ZNF169: variants seen among roughly 807,000 people sequenced by gnomAD.
The protein encoded by ZNF169 is zinc finger protein 169.
ZNF169 carries 11 observed loss-of-function variants against 12.0 expected under a neutral mutation model. That is an observed-to-expected ratio of 0.92 (90% CI 0.58 to 1.52). The LOEUF is 1.52. ZNF169 is among the 40% of genes most tolerant of loss of function. The pLI is 0.00. For missense variants in ZNF169, 722 were observed against 744.0 expected (o/e 0.97, Z 0.34); for synonymous variants, 302 against 286.5 (o/e 1.05, Z -0.55).
At chr9:94,282,996 C>T (rs1830667255) in intron 2 of ZNF169, among the ~76,000 whole-genome samples, 1 of 152,142 alleles carries the variant, frequency 6.6e-6, no homozygotes, top group African/African-American at 2.4e-5. Context: ...CCCATTCGCC[C>T]CTCTCCCAGC....
At chr9:94,285,359 G>A (rs1830704643) in intron 2 of ZNF169, among the ~76,000 whole-genome samples, 1 of 152,118 alleles carries the variant, frequency 6.6e-6, no homozygotes, top group African/African-American at 2.4e-5. Flanking sequence ...AGAACAGAGA[G>A]AAAATGGAGT....
At chr9:94,289,421 C>A (rs909965309) in intron 2 of ZNF169, among the ~76,000 whole-genome samples, 3 of 151,950 alleles carry the variant, frequency 2.0e-5, no homozygotes, top group Non-Finnish European at 4.4e-5. Context: ...AAAAAGCAAG[C>A]TGGTAAAACG....
At chr9:94,272,397 T>C (rs1830438901) in intron 1 of ZNF169, among the ~76,000 whole-genome samples, 2 of 152,182 alleles carry the variant, frequency 1.3e-5, no homozygotes, top group Non-Finnish European at 2.9e-5. Flanking sequence ...AACTTTTTCA[T>C]CTTGCATGAC....
In ZNF169 at chr9:94,300,932, C is replaced by T. The variant is rs1185707560; in HGVS notation, c.1374C>T (p.Tyr458=). 6.2e-7 allele frequency: 1 copy of T among 1,613,092 alleles called. No homozygotes were observed. The highest frequency in any genetic ancestry group is 8.5e-7 in the Non-Finnish European group (1 of 1,179,752). ...HQRTHTGEKP[Y]LCPDCGRGFG... is the part of the protein sequence containing the mutation. ...GGACACACACAGGGGAGAAGCCCTA[C>T]CTGTGCCCTGATTGTGGGCGTGGCT... Residue 458 remains tyrosine, a synonymous_variant, in exon 5 of 5, where the codon TAC becomes TAT. Transcript: ENST00000395395.
At chr9:94,288,859 T>G (rs1418349617) in intron 2 of ZNF169, among the ~76,000 whole-genome samples, 1 of 152,088 alleles carries the variant, frequency 6.6e-6, no homozygotes, top group African/African-American at 2.4e-5. Context: ...CTCAGGTAGT[T>G]CTTTATAGCA....
At chr9:94,270,852 A>G (rs12553782) in intron 1 of ZNF169, among the ~76,000 whole-genome samples, 621 of 4,256 alleles carry the variant, frequency 0.15, 72 homozygotes, top group Non-Finnish European at 0.34. Context: ...ATATTATATA[A>G]ATATATATAA....
At chr9:94,291,330 ATG>A (rs1488301021) in intron 2 of ZNF169, among the ~76,000 whole-genome samples, 1 of 151,982 alleles carries the variant, frequency 6.6e-6, no homozygotes, top group Non-Finnish European at 1.5e-5. Context: ...GGGATTACAG[ATG>A]TGAGCCATTG....
intron 1 of ZNF169, among the ~76,000 whole-genome samples, chr9:94,268,100 C>A (rs1251009231): frequency 6.6e-6 from 1 of 151,848 alleles, no homozygotes; most frequent in Non-Finnish European, 1.5e-5. Flanking sequence ...GAACGCCCGA[C>A]CTCAGGTGAT....
At position 94,300,852 on chromosome 9, in the gene ZNF169, T is replaced by C. The variant is rs772782841; in HGVS notation, c.1294T>C (p.Cys432Arg). 1.2e-6 allele frequency: 2 copies of C among 1,614,050 alleles called. No homozygotes were observed. The highest frequency in any genetic ancestry group is 2.2e-5 in the South Asian group (2 of 91,082). ...RTHTGEKPYL[C>R]PQCGRGFSQK... ...ACACACAGGGGAGAAGCCTTACCTG[T>C]GCCCCCAGTGTGGGCGGGGTTTTAG... The change falls in exon 5 of 5, where the codon TGC (cysteine) becomes CGC (arginine). Residue 432 changes from cysteine (C) to arginine (R), a missense_variant. By Grantham distance (180) the Cys-to-Arg change is radical. Coordinates refer to ENST00000395395, the MANE Select transcript of ZNF169 (RefSeq NM_194320.4).
chr9:94,300,367 G>C lies in ZNF169; in HGVS notation c.809G>C (p.Arg270Pro), dbSNP rs377759869. 1 of 1,613,894 alleles carries C rather than the reference G, an allele frequency of 6.2e-7. No individual in the cohort carries two copies. The highest frequency in any genetic ancestry group is 2.2e-5 in the East Asian group (1 of 44,850). ...KPYLCPECGR[R>P]FSQKASLSIH... ...TACCTGTGTCCTGAGTGTGGGCGTC[G>C]GTTTAGCCAGAAGGCCTCCCTCTCC... The change falls in exon 5 of 5, where the codon CGG (arginine) becomes CCG (proline). Residue 270 changes from arginine (R) to proline (P), a missense_variant. Arg to Pro is a moderately radical substitution (Grantham distance 103). Coordinates refer to ENST00000395395, the MANE Select transcript of ZNF169 (RefSeq NM_194320.4).
intron 1 of ZNF169, among the ~76,000 whole-genome samples, chr9:94,261,071 C>T (rs757554771): frequency 6.7e-6 from 1 of 150,038 alleles, no homozygotes; most frequent in Non-Finnish European, 1.5e-5. Flanking sequence ...CTTGCTCTGT[C>T]GCCAGGCTGG....
intron 4 of ZNF169, chr9:94,293,317 C>T: frequency 1.7e-6 from 1 of 591,800 alleles, no homozygotes; most frequent in Non-Finnish European, 3.0e-6. Flanking sequence ...CTTTCTCGAG[C>T]ACATTCAGGA....
chr9:94,296,942 G>A (rs1830965590), intron 4 of ZNF169: 1 of 395,648 alleles, frequency 2.5e-6, no homozygotes, highest in Admixed American at 3.1e-5. Context: ...AGCTACTCGG[G>A]AGGCTGAGGC....
chr9:94,292,590 T>C, intron 3 of ZNF169, 123 bp downstream of exon 3: 1 of 1,240,330 alleles, frequency 8.1e-7, no homozygotes. Context: ...AGAGAATGCC[T>C]GGCTTTCACA....
At chr9:94,275,302 G>A (rs555517463) in intron 1 of ZNF169, among the ~76,000 whole-genome samples, 45 of 152,282 alleles carry the variant, frequency 3.0e-4, no homozygotes, top group Admixed American at 5.9e-4. Context: ...CCATTATAAC[G>A]TCGAAAAATT....
chr9:94,301,571 G>T lies in ZNF169; in HGVS notation c.*201G>T. On this transcript the variant is annotated 3_prime_UTR_variant, in exon 5 of 5. Transcript: ENST00000395395. ...AAAGTACCCCAGGCTGGGTGATTTT[G>T]ACAACGGAAATATATTTTCATATTT... The T allele has an allele frequency of 1.1e-6, 1 of 941,216 alleles. No individual in the cohort carries two copies. The highest frequency in any genetic ancestry group is 1.5e-6 in the Non-Finnish European group (1 of 673,304). 58.3% of individuals were successfully genotyped at this position (941,216 alleles called of 1,614,324 possible).
At chr9:94,299,565 G>C in intron 4 of ZNF169, 1 of 1,346,734 alleles carries the variant, frequency 7.4e-7, no homozygotes, top group Non-Finnish European at 9.5e-7. Context: ...AAGAAAGGAA[G>C]ATAAATGTGT....
Position 94,282,050 on chromosome 9 carries a change from G to C in ZNF169, c.33+3205G>C, listed in dbSNP as rs867794545. Among the ~76,000 whole-genome samples, 3 of 152,310 alleles carry C rather than the reference G, an allele frequency of 2.0e-5. No homozygotes were observed. In the South Asian group the frequency reaches 6.2e-4, roughly 32 times the overall value. On this transcript the variant is annotated intron_variant, in intron 2 of 4. Transcript: ENST00000395395. ...TATAGAATGTGGATTTTTCCCACAA[G>C]AGACTTTGCAGAGCAATTTTAAGGT...
rs537741793 is a variant in ZNF169 at position 94,286,639 on chromosome 9, T to C, written c.34-5702T>C. Among the ~76,000 whole-genome samples the C allele has an allele frequency of 2.0e-5, 3 of 152,292 alleles. No individual in the cohort carries two copies. The South Asian group carries it at 6.2e-4, about 32-fold the overall frequency. ...ATGCAAGACGCTAAAATGTACCCAT[T>C]AAACTGCTAAAAAACAAATTGAGTG... On this transcript the variant is annotated intron_variant, in intron 2 of 4. Transcript: ENST00000395395.
Sources: allele counts gnomAD v4.1 joint callset (sites outside exome capture counted in the v4.1 genomes callset), GRCh38; gene constraint gnomAD v4.1.1; transcripts MANE v1.5; gene names NCBI Gene and HGNC (gene_info 2026-07-23, HGNC 2026-07-21).